The following TTLL11 variants were observed in gnomAD, a reference collection of about 807,000 sequenced individuals.
TTLL11 encodes the protein tubulin tyrosine ligase like 11.
Under a neutral mutation model 51.7 loss-of-function variants are expected in TTLL11, and 42 were observed. That is an observed-to-expected ratio of 0.81 (90% CI 0.64 to 1.05). The LOEUF is 1.05. Ranked by LOEUF, TTLL11 falls within the 50% of genes least tolerant of loss-of-function variation. The probability of loss-of-function intolerance (pLI) is 0.00; values close to 1 mark genes in which losing one functional copy is unlikely to be tolerated. For missense variants in TTLL11, 799 were observed against 940.4 expected (o/e 0.85, Z 1.97); for synonymous variants, 381 against 383.5 (o/e 0.99, Z 0.08).
intron 6 of TTLL11, among the ~76,000 whole-genome samples, chr9:121,961,607 G>A (rs541332275): frequency 3.3e-5 from 5 of 152,200 alleles, no homozygotes; most frequent in South Asian, 4.2e-4. Context: ...TCTACCCTAC[G>A]ACACCATTCT....
At chr9:121,909,110 A>G (rs1840031013) in intron 6 of TTLL11, among the ~76,000 whole-genome samples, 1 of 152,182 alleles carries the variant, frequency 6.6e-6, no homozygotes, top group African/African-American at 2.4e-5. Flanking sequence ...TCATTATGCC[A>G]TCCAATCCAT....
rs546186484 is a variant in TTLL11, at chr9:121,866,529, G to A, written c.1733+3968C>T. On this transcript the variant is annotated intron_variant, in intron 7 of 8. Transcript: ENST00000321582. ...ACAAAAATTAGCCGGGCATGGTGGT[G>A]GGCGCCTGTAGTCCCAGCTACTCAG... Among the ~76,000 whole-genome samples, 508 of 151,938 alleles carry A rather than the reference G, an allele frequency of 3.3e-3. 1 individual carries two copies. The highest frequency in any genetic ancestry group is 0.012 in the African/African-American group (484 of 41,434).
intron 8 of TTLL11, among the ~76,000 whole-genome samples, chr9:121,848,083 T>TG (rs1837568985): frequency 6.6e-6 from 1 of 152,238 alleles, no homozygotes; most frequent in Middle Eastern, 3.4e-3. Flanking sequence ...GGCACATGCC[T>TG]GTAGCCCTAA....
chr9:121,871,222 C>A (rs1838345248), intron 6 of TTLL11, among the ~76,000 whole-genome samples: 3 of 150,762 alleles, frequency 2.0e-5, no homozygotes, highest in South Asian at 4.2e-4. Flanking sequence ...TCTGGCTTAA[C>A]TGTTTTTTTT....
Position 121,853,543 on chromosome 9 carries a change from C to G in TTLL11, c.1840+6794G>C, listed in dbSNP as rs934108529. ...GTGATGAGTGGGGATGCAGAGTGGA[C>G]AGGGGTCCAGCTCTCAAGGCCCTGA... is the stretch of plus-strand genomic sequence containing the variant. On this transcript the variant is annotated intron_variant, in intron 8 of 8. Transcript: ENST00000321582. This position sits in a 1 kb window ranked among gnomAD's most constrained non-coding sequence, Gnocchi z 5.6. 7.9e-5 allele frequency among the ~76,000 whole-genome samples: 12 copies of G among 152,052 alleles called. No individual in the cohort carries two copies. The highest frequency in any genetic ancestry group is 2.9e-4 in the African/African-American group (12 of 41,418).
chr9:121,831,699 C>CAAAAAAAAAAA (rs35519622), intron 8 of TTLL11, among the ~76,000 whole-genome samples: 167 of 133,384 alleles, frequency 1.3e-3, no homozygotes, highest in African/African-American at 4.4e-3. Context: ...GACTCTGTCT[C>CAAAAAAAAAAA]AAAAAAAAAA....
rs1034736446 is a variant in TTLL11, at chr9:121,853,408, C to T, written c.1840+6929G>A. On this transcript the variant is annotated intron_variant, in intron 8 of 8. Transcript: ENST00000321582. The surrounding 1 kb of genome is among the most constrained non-coding windows in gnomAD (Gnocchi z 5.6). ...GGCCCAGCCTGAGCACTGGGGGAGG[C>T]TCTGTGAGGGAGGGGACCTGGGGGG... is the stretch of plus-strand genomic sequence containing the variant. 5.8e-5 allele frequency among the ~76,000 whole-genome samples: 8 copies of T among 138,290 alleles called. No individual in the cohort carries two copies. Among genetic ancestry groups the T allele is most frequent in the African/African-American group, 2.2e-4 (8 of 36,246 alleles). 90.7% of individuals were successfully genotyped at this position (138,290 alleles called of 152,430 possible). A position where few individuals can be genotyped will look rare whatever the true frequency, so the allele number is the denominator to read the frequency against.
At chr9:122,086,916 T>C (rs1846142340) in intron 1 of TTLL11, among the ~76,000 whole-genome samples, 1 of 152,264 alleles carries the variant, frequency 6.6e-6, no homozygotes, top group Non-Finnish European at 1.5e-5. Context: ...CCCACCTCAG[T>C]TTCTTCTGCT....
chr9:122,048,500 A>G (rs1471427424), intron 1 of TTLL11, among the ~76,000 whole-genome samples: 1 of 151,960 alleles, frequency 6.6e-6, no homozygotes, highest in Admixed American at 6.6e-5. Context: ...CTCTGACCAT[A>G]TTGCTCCTTT....
intron 8 of TTLL11, among the ~76,000 whole-genome samples, chr9:121,844,982 TACAG>T (rs1837475644): frequency 6.6e-6 from 1 of 152,058 alleles, no homozygotes; most frequent in African/African-American, 2.4e-5. Context: ...TTTCCAAAAT[TACAG>T]ACAGACACCA....
chr9:122,008,654 A>G (rs1442071967), intron 3 of TTLL11, among the ~76,000 whole-genome samples: 2 of 152,226 alleles, frequency 1.3e-5, no homozygotes, highest in African/African-American at 2.4e-5. Context: ...CAAAAAAACT[A>G]AAAATAGAAC....
chr9:121,953,467 A>G (rs1017251289), intron 6 of TTLL11, among the ~76,000 whole-genome samples: 3 of 151,898 alleles, frequency 2.0e-5, no homozygotes, highest in African/African-American at 4.8e-5. Context: ...CCCCATCTCT[A>G]CTAAAAAATA....
intron 6 of TTLL11, among the ~76,000 whole-genome samples, chr9:121,962,300 G>A (rs1211110893): frequency 6.6e-6 from 1 of 152,088 alleles, no homozygotes; most frequent in African/African-American, 2.4e-5. Context: ...GGGCAGCAGG[G>A]AAGCAGCATC....
At chr9:121,883,803 C>T (rs1838889810) in intron 6 of TTLL11, among the ~76,000 whole-genome samples, 1 of 152,156 alleles carries the variant, frequency 6.6e-6, no homozygotes, top group Non-Finnish European at 1.5e-5. Flanking sequence ...GCTCTGGAGA[C>T]TCTAGAGAGA....
intron 6 of TTLL11, among the ~76,000 whole-genome samples, chr9:121,922,882 A>G (rs151193502): frequency 1.3e-3 from 200 of 152,254 alleles, no homozygotes; most frequent in African/African-American, 4.5e-3. Flanking sequence ...ATGAAACATA[A>G]ATAGTAAATA....
intron 3 of TTLL11, among the ~76,000 whole-genome samples, chr9:122,006,209 C>T (rs1843637757): frequency 6.6e-6 from 1 of 151,632 alleles, no homozygotes; most frequent in Admixed American, 6.6e-5. Context: ...GGCATGGTGG[C>T]GGGTGCCTGA....
At chr9:121,976,884 G>A (rs1842725132) in intron 4 of TTLL11, among the ~76,000 whole-genome samples, 1 of 152,228 alleles carries the variant, frequency 6.6e-6, no homozygotes, top group African/African-American at 2.4e-5. Flanking sequence ...GTGGATGTGA[G>A]TGATGAGGCC....
intron 1 of TTLL11, among the ~76,000 whole-genome samples, chr9:122,050,060 C>T (rs1032366341): frequency 6.6e-6 from 1 of 152,108 alleles, no homozygotes; most frequent in Non-Finnish European, 1.5e-5. Flanking sequence ...GACCCCAGCT[C>T]AAGCCGCAAC....
intron 6 of TTLL11, among the ~76,000 whole-genome samples, chr9:121,887,331 G>A (rs1010691282): frequency 2.0e-5 from 3 of 152,178 alleles, no homozygotes; most frequent in Non-Finnish European, 4.4e-5. Flanking sequence ...AGTGGGTGGA[G>A]GTAGCGGTGG....
Sources: gnomAD v4.1 joint callset for allele counts (sites outside exome capture counted in the v4.1 genomes callset) on GRCh38, gnomAD v4.1.1 for gene constraint, Gnocchi (gnomAD v3.1) non-coding constraint, MANE v1.5 for transcripts, NCBI Gene and HGNC (gene_info 2026-07-23, HGNC 2026-07-21) for gene names.